PLCB4: variants seen among roughly 807,000 people sequenced by gnomAD.
The protein encoded by PLCB4 is 1-phosphatidylinositol 4,5-bisphosphate phosphodiesterase beta-4.
Under a neutral mutation model 178.8 loss-of-function variants are expected in PLCB4, and 77 were observed. The ratio of observed to expected loss-of-function variants is 0.43; its 90% CI spans 0.36 to 0.52. The LOEUF is 0.52. Among genes scored for constraint, PLCB4 ranks in the 20% least tolerant of loss-of-function variants. PLCB4 has a pLI of 0.00. For missense variants in PLCB4, 1,024 were observed against 1,453.4 expected (o/e 0.70, Z 4.80); for synonymous variants, 496 against 490.8 (o/e 1.01, Z -0.14).
intron 2 of PLCB4, among the ~76,000 whole-genome samples, chr20:9,145,709 A>G (rs933233150): frequency 6.6e-6 from 1 of 152,038 alleles, no homozygotes; most frequent in Admixed American, 6.6e-5. Context: ...TGCAATATTC[A>G]TTGATCATCT....
chr20:9,346,662 A>T (rs1030594922), intron 7 of PLCB4, among the ~76,000 whole-genome samples: 17 of 152,150 alleles, frequency 1.1e-4, no homozygotes, highest in African/African-American at 4.1e-4. Flanking sequence ...AGTTCATTGG[A>T]AACAAATCAA....
intron 2 of PLCB4, among the ~76,000 whole-genome samples, chr20:9,101,701 T>C (rs2091158870): frequency 6.6e-6 from 1 of 152,154 alleles, no homozygotes; most frequent in Non-Finnish European, 1.5e-5. Context: ...TTGCACTGAG[T>C]AGTAGCATGG....
chr20:9,240,420 A>G (rs1395813809), intron 3 of PLCB4, among the ~76,000 whole-genome samples: 3 of 152,094 alleles, frequency 2.0e-5, no homozygotes, highest in Middle Eastern at 3.2e-3. Flanking sequence ...TTTTGTAACT[A>G]TATTATTTCT....
intron 26 of PLCB4, among the ~76,000 whole-genome samples, chr20:9,421,017 G>A (rs768845321): frequency 4.6e-5 from 7 of 152,074 alleles, no homozygotes; most frequent in African/African-American, 1.4e-4. Context: ...TGAAGAGGCC[G>A]TGGACACTAT....
intron 2 of PLCB4, among the ~76,000 whole-genome samples, chr20:9,131,069 CT>C (rs753605298): frequency 6.6e-6 from 1 of 151,272 alleles, no homozygotes; most frequent in Non-Finnish European, 1.5e-5. Flanking sequence ...TAACTTGACT[CT>C]TTTTTTTTAA....
chr20:9,113,829 T>G (rs1434096465), intron 2 of PLCB4, among the ~76,000 whole-genome samples: 1 of 152,130 alleles, frequency 6.6e-6, no homozygotes, highest in African/African-American at 2.4e-5. Context: ...GCCAAACAAA[T>G]TGAGTCAGAC....
chr20:9,240,431 C>T (rs898422041), intron 3 of PLCB4, among the ~76,000 whole-genome samples: 9 of 152,154 alleles, frequency 5.9e-5, no homozygotes, highest in African/African-American at 2.2e-4. Flanking sequence ...TATTATTTCT[C>T]TCTGCTCACC....
chr20:9,352,401 G>A (rs79903629), intron 7 of PLCB4, among the ~76,000 whole-genome samples: 8,167 of 152,218 alleles, frequency 0.054, 702 homozygotes, highest in African/African-American at 0.18. Context: ...AGATCCAATA[G>A]GACATTGCTA....
chr20:9,096,920 AGC>A (rs1390894269), intron 2 of PLCB4, among the ~76,000 whole-genome samples: 1 of 151,844 alleles, frequency 6.6e-6, no homozygotes, highest in Admixed American at 6.6e-5. Flanking sequence ...CTAGCTTAGG[AGC>A]CACTTTGGCT....
chr20:9,229,617 T>A (rs1393989153), intron 3 of PLCB4, among the ~76,000 whole-genome samples: 2 of 143,406 alleles, frequency 1.4e-5, no homozygotes, highest in Non-Finnish European at 3.2e-5. Flanking sequence ...GGTGAACTTA[T>A]TTTTTTTTTA....
intron 20 of PLCB4, among the ~76,000 whole-genome samples, chr20:9,404,010 G>C (rs542972269): frequency 1.9e-4 from 29 of 152,332 alleles, no homozygotes; most frequent in African/African-American, 7.0e-4. Flanking sequence ...CTTTTGAGAA[G>C]TTTTGATGTG....
intron 2 of PLCB4, among the ~76,000 whole-genome samples, chr20:9,192,782 C>T (rs1244630383): frequency 1.3e-5 from 2 of 151,026 alleles, no homozygotes; most frequent in African/African-American, 4.9e-5. Context: ...GTCTGAGTGA[C>T]ATAGCAGGAC....
At position 9,074,375 on chromosome 20, in the gene PLCB4, A is replaced by G. The variant is rs139322599; in HGVS notation, c.-135+5169A>G. ...ACACCCTTGGGCCAGGAAAATCATTACTTTAAGATACATTGCCTTTCTTAT... is the reference window on the plus strand; with the variant it reads ...ACACCCTTGGGCCAGGAAAATCATTGCTTTAAGATACATTGCCTTTCTTAT... On this transcript the variant is annotated intron_variant, in intron 1 of 39. Transcript: ENST00000378473. Among the ~76,000 whole-genome samples, 132 of 152,284 alleles carry G rather than the reference A, an allele frequency of 8.7e-4. 4 individuals carry two copies. The East Asian group carries it at 0.023, about 27-fold the overall frequency.
chr20:9,140,318 C>A (rs1453832667), intron 2 of PLCB4, among the ~76,000 whole-genome samples: 2 of 152,044 alleles, frequency 1.3e-5, no homozygotes, highest in South Asian at 2.1e-4. Context: ...CACTTTGTAA[C>A]CTTATACCAG....
chr20:9,446,257 A>G (rs2042407178), intron 32 of PLCB4, among the ~76,000 whole-genome samples: 1 of 152,252 alleles, frequency 6.6e-6, no homozygotes, highest in African/African-American at 2.4e-5. Context: ...ACCAAAATCA[A>G]GAGTCCAGAA....
At chr20:9,311,978 C>A (rs1268072321) in intron 4 of PLCB4, among the ~76,000 whole-genome samples, 1 of 152,102 alleles carries the variant, frequency 6.6e-6, no homozygotes, top group Non-Finnish European at 1.5e-5. Context: ...AATTCAAATT[C>A]ATATAGGTAC....
intron 2 of PLCB4, among the ~76,000 whole-genome samples, chr20:9,185,348 A>G (rs1374497935): frequency 1.3e-5 from 2 of 152,062 alleles, no homozygotes; most frequent in African/African-American, 4.8e-5. Context: ...GAAAGGGCAT[A>G]TTATTCAGTT....
intron 32 of PLCB4, among the ~76,000 whole-genome samples, chr20:9,444,874 G>T (rs2042320181): frequency 6.6e-6 from 1 of 152,194 alleles, no homozygotes; most frequent in African/African-American, 2.4e-5. Flanking sequence ...CACATAGTTT[G>T]CCATACACAC....
At chr20:9,444,490 C>T (rs1371036093) in intron 32 of PLCB4, among the ~76,000 whole-genome samples, 1 of 152,198 alleles carries the variant, frequency 6.6e-6, no homozygotes, top group Non-Finnish European at 1.5e-5. Flanking sequence ...CTAGGCCGGG[C>T]ACAGTGGCTC....
Sources: allele counts gnomAD v4.1 joint callset (sites outside exome capture counted in the v4.1 genomes callset), GRCh38; gene constraint gnomAD v4.1.1; transcripts MANE v1.5; gene names NCBI Gene and HGNC (gene_info 2026-07-23, HGNC 2026-07-21).